Variants in RIOX2 observed in about 807,000 individuals in gnomAD.
The protein encoded by RIOX2 is 60S ribosomal protein L27a histidine hydroxylase.
Under a neutral mutation model 51.2 loss-of-function variants are expected in RIOX2, and 43 were observed. The observed-to-expected ratio is 0.84, with a 90% confidence interval of 0.66 to 1.08. RIOX2 has a LOEUF of 1.08. RIOX2 is among the 50% of genes least tolerant of loss of function. The pLI is 0.00. For synonymous variants in RIOX2, 226 were observed against 218.5 expected (o/e 1.03, Z -0.30); for missense variants, 566 against 561.7 (o/e 1.01, Z -0.08).
At chr3:97,969,362 T>A (rs1300749236) in intron 1 of RIOX2, among the ~76,000 whole-genome samples, 1 of 152,230 alleles carries the variant, frequency 6.6e-6, no homozygotes, top group African/African-American at 2.4e-5. Flanking sequence ...GCATTGCTAG[T>A]ACATGGAACT....
chr3:97,968,828 T>C (rs137946814), intron 1 of RIOX2, among the ~76,000 whole-genome samples: 1 of 126,548 alleles, frequency 7.9e-6, no homozygotes, highest in African/African-American at 2.6e-5. Flanking sequence ...AAAACCAAAA[T>C]TTCTGAAAGA....
In RIOX2 at chr3:97,967,549, C is replaced by T. The variant is rs987554413; in HGVS notation, c.45G>A (p.Gly15=). The change falls in exon 2 of 10, where the codon GGG becomes GGA. Residue 15 remains glycine (G), a synonymous_variant. Transcript: ENST00000394198. ...ACTTCATCTGCTTACAGGGAGCCGG[C>T]CCCTCTTCCTTCCCACTCCCTGTAG... The part of the protein sequence containing the change: ...AKPTGSGKEE[G]PAPCKQMKLE... 1.4e-5 allele frequency: 23 copies of T among 1,611,074 alleles called. No individual in the cohort carries two copies. In the East Asian group the frequency reaches 4.9e-4, roughly 34 times the overall value.
chr3:97,961,750 T>C (rs1705684063), intron 2 of RIOX2, 42 bp from the exon 3 acceptor site: 1 of 1,539,304 alleles, frequency 6.5e-7, no homozygotes, highest in Non-Finnish European at 8.7e-7. Context: ...CGTGGGGGAG[T>C]GAAAAATGTA....
chr3:97,955,296 A>G (rs1033509459), intron 4 of RIOX2, among the ~76,000 whole-genome samples: 1 of 152,108 alleles, frequency 6.6e-6, no homozygotes, highest in Non-Finnish European at 1.5e-5. Context: ...CCTCTACCCT[A>G]TTCCAAGTGG....
At chr3:97,970,793 T>C (rs1046764559) in intron 1 of RIOX2, among the ~76,000 whole-genome samples, 2 of 152,208 alleles carry the variant, frequency 1.3e-5, no homozygotes, top group African/African-American at 2.4e-5. Context: ...AGATAAACCC[T>C]ATAAGAAAAT....
intron 2 of RIOX2, among the ~76,000 whole-genome samples, chr3:97,964,390 C>T (rs1705795891): frequency 6.6e-6 from 1 of 152,040 alleles, no homozygotes; most frequent in African/African-American, 2.4e-5. Context: ...AGTTTTTCCA[C>T]ATACAAAATG....
chr3:97,949,138 CA>C (rs1705131638), intron 7 of RIOX2, among the ~76,000 whole-genome samples: 1 of 152,114 alleles, frequency 6.6e-6, no homozygotes, highest in Non-Finnish European at 1.5e-5. Context: ...TGTGGAGGTG[CA>C]GCCTAAGGGG....
intron 2 of RIOX2, among the ~76,000 whole-genome samples, chr3:97,964,083 G>A (rs1212251201): frequency 2.0e-5 from 3 of 152,006 alleles, no homozygotes; most frequent in Non-Finnish European, 2.9e-5. Context: ...CACAGGATTC[G>A]ATATCCAGCG....
chr3:97,945,526 G>A (rs868851454), intron 9 of RIOX2, 184 bp from the exon 10 acceptor site: 8 of 614,586 alleles, frequency 1.3e-5, no homozygotes, highest in Middle Eastern at 4.3e-4. Context: ...CCTAATTTAT[G>A]TAGTAAGTGA....
chr3:97,949,990 G>T lies in RIOX2; in HGVS notation c.914C>A (p.Thr305Lys). The change falls in exon 7 of 10, where the codon ACA becomes AAA. Residue 305 changes from threonine to lysine, a missense_variant. Physicochemically the swap from Thr to Lys is moderately conservative, Grantham distance 78 (BLOSUM62 -1). Coordinates refer to ENST00000394198, the MANE Select transcript of RIOX2 (RefSeq NM_153182.4). ...CCTCAGGAAGCCACTTAATCGTCTT[G>T]TAGCAACAGTTGTGGATTCCACCTG... ...LLQVESTTVA[T>K]RRLSGFLRTL... 6.2e-7 allele frequency: 1 copy of T among 1,613,828 alleles called. No individual in the cohort carries two copies. The highest frequency in any genetic ancestry group is 1.3e-5 in the African/African-American group (1 of 75,022).
At chr3:97,958,473 C>G (rs541628600) in intron 4 of RIOX2, among the ~76,000 whole-genome samples, 1 of 152,274 alleles carries the variant, frequency 6.6e-6, no homozygotes, top group South Asian at 2.1e-4. Context: ...TGCCAAGGAA[C>G]CTGCACATGA....
intron 4 of RIOX2, 143 bp downstream of exon 4, chr3:97,958,905 TGAG>T (rs1705555706): frequency 1.2e-6 from 1 of 812,568 alleles, no homozygotes; most frequent in African/African-American, 1.8e-5. Flanking sequence ...CTGACAGCAA[TGAG>T]AAGCACCCTG....
Position 97,961,716 on chromosome 3 carries a change from A to T in RIOX2, c.433-8T>A. 6 of 1,579,342 alleles carry T rather than the reference A, an allele frequency of 3.8e-6. No homozygotes were observed. The highest frequency in any genetic ancestry group is 5.1e-6 in the Non-Finnish European group (6 of 1,170,494). ...GATCCTCCAAAGCTCATCCTTTACA[A>T]AAAAGGAAAAAAGAAAGGGTCGGCG... On this transcript the variant is annotated splice_region_variant and splice_polypyrimidine_tract_variant and intron_variant, in intron 2 of 9. Coordinates refer to ENST00000394198, the MANE Select transcript of RIOX2 (RefSeq NM_153182.4).
intron 5 of RIOX2, among the ~76,000 whole-genome samples, chr3:97,952,486 G>A (rs1333815606): frequency 6.6e-6 from 1 of 152,176 alleles, no homozygotes; most frequent in Admixed American, 6.5e-5. Flanking sequence ...ATGAGATGGA[G>A]GTCAGAGTAG....
At chr3:97,962,877 C>T (rs1705740604) in intron 2 of RIOX2, among the ~76,000 whole-genome samples, 1 of 152,094 alleles carries the variant, frequency 6.6e-6, no homozygotes, top group South Asian at 2.1e-4. Context: ...AGCATGGCTC[C>T]AAAGTCCATA....
intron 4 of RIOX2, among the ~76,000 whole-genome samples, chr3:97,955,790 A>C (rs975684717): frequency 1.3e-5 from 2 of 152,162 alleles, no homozygotes; most frequent in African/African-American, 4.8e-5. Flanking sequence ...GTACTTACAA[A>C]TCTAGGTAGT....
At chr3:97,945,931 A>C in intron 8 of RIOX2, 44 bp from the exon 9 acceptor site, 1 of 1,375,646 alleles carries the variant, frequency 7.3e-7, no homozygotes, top group Non-Finnish European at 1.0e-6. Context: ...ACAACACAAC[A>C]CTGAAGGTGT....
intron 6 of RIOX2, among the ~76,000 whole-genome samples, chr3:97,950,254 G>C (rs1705193029): frequency 1.3e-5 from 2 of 152,172 alleles, no homozygotes; most frequent in Admixed American, 1.3e-4. Context: ...CCTAGAAATA[G>C]AGATCCTTGG....
At chr3:97,951,410 T>C (rs181489429) in intron 5 of RIOX2, among the ~76,000 whole-genome samples, 1 of 152,232 alleles carries the variant, frequency 6.6e-6, no homozygotes, top group African/African-American at 2.4e-5. Context: ...AAAGAAAATA[T>C]CTACCATCAA....
Sources: allele counts gnomAD v4.1 joint callset (sites outside exome capture counted in the v4.1 genomes callset), GRCh38; gene constraint gnomAD v4.1.1; transcripts MANE v1.5; gene names NCBI Gene and HGNC (gene_info 2026-07-23, HGNC 2026-07-21).